SGCZ: variants seen among roughly 807,000 people sequenced by gnomAD.
SGCZ encodes the protein zeta-sarcoglycan.
SGCZ carries 40 observed loss-of-function variants against 41.3 expected under a neutral mutation model. The ratio of observed to expected loss-of-function variants is 0.97; its 90% CI spans 0.75 to 1.26. SGCZ has a LOEUF of 1.26. Ranked by LOEUF, SGCZ falls within the 50% of genes most tolerant of loss-of-function variation. The probability of loss-of-function intolerance (pLI) is 0.00; values close to 1 mark genes in which losing one functional copy is unlikely to be tolerated. For synonymous variants in SGCZ, 206 were observed against 137.5 expected, an observed-to-expected ratio of 1.50 and a Z score of -3.49; for missense variants, 552 against 369.8, an observed-to-expected ratio of 1.49 and a Z score of -4.04.
At chr8:14,209,316 A>T (rs1805719945) in intron 4 of SGCZ, among the ~76,000 whole-genome samples, 1 of 151,848 alleles carries the variant, frequency 6.6e-6, no homozygotes, top group South Asian at 2.1e-4. Flanking sequence ...CCTCTCTCTC[A>T]CCAGGGAGAG....
chr8:15,108,388 G>A (rs988709269), intron 1 of SGCZ, among the ~76,000 whole-genome samples: 2 of 152,130 alleles, frequency 1.3e-5, no homozygotes, highest in African/African-American at 4.8e-5. Flanking sequence ...GAGGGCTAAA[G>A]GGAATAAATA....
chr8:14,594,675 G>C (rs1013254316), intron 1 of SGCZ, among the ~76,000 whole-genome samples: 3 of 151,856 alleles, frequency 2.0e-5, no homozygotes, highest in Non-Finnish European at 2.9e-5. Flanking sequence ...AAGGGCATGG[G>C]TTACTTTTCA....
intron 1 of SGCZ, among the ~76,000 whole-genome samples, chr8:14,852,308 T>C (rs147875451): frequency 6.6e-6 from 1 of 152,182 alleles, no homozygotes; most frequent in Admixed American, 6.5e-5. Flanking sequence ...CAAGGTAAAA[T>C]GTATTCTACA....
chr8:14,121,425 G>T (rs769434473), intron 5 of SGCZ, among the ~76,000 whole-genome samples: 2 of 152,054 alleles, frequency 1.3e-5, no homozygotes, highest in African/African-American at 2.4e-5. Flanking sequence ...TATTTGCACT[G>T]AAATAGAAAA....
chr8:14,793,701 G>A (rs750697699), intron 1 of SGCZ, among the ~76,000 whole-genome samples: 8 of 152,108 alleles, frequency 5.3e-5, no homozygotes, highest in Non-Finnish European at 8.8e-5. Flanking sequence ...GAAACTGTTT[G>A]AGAAGCAGTT....
At chr8:15,058,097 G>T (rs751666454) in intron 1 of SGCZ, among the ~76,000 whole-genome samples, 8 of 152,126 alleles carry the variant, frequency 5.3e-5, no homozygotes, top group Non-Finnish European at 1.0e-4. Flanking sequence ...CACGAGGGTG[G>T]TCAAGTAGAT....
At chr8:14,829,549 C>T (rs540393162) in intron 1 of SGCZ, among the ~76,000 whole-genome samples, 7 of 152,142 alleles carry the variant, frequency 4.6e-5, no homozygotes, top group Admixed American at 1.3e-4. Flanking sequence ...ATAGCATAAC[C>T]TTTGAACAAG....
intron 1 of SGCZ, among the ~76,000 whole-genome samples, chr8:14,638,785 G>T (rs1806920192): frequency 6.6e-6 from 1 of 151,722 alleles, no homozygotes; most frequent in Admixed American, 6.6e-5. Flanking sequence ...TAACATTTCA[G>T]TCTCCCTCAG....
At chr8:15,237,453 T>TC in intron 1 of SGCZ, 132 bp downstream of exon 1, 1 of 1,079,178 alleles carries the variant, frequency 9.3e-7, no homozygotes, top group Non-Finnish European at 1.4e-6. Flanking sequence ...CGGGTGCGCG[T>TC]CCCCCCAACG....
rs149446712 is a variant in SGCZ, at chr8:15,133,736, G to A, written c.39+103849C>T. Among the ~76,000 whole-genome samples the A allele has an allele frequency of 1.5e-3, 231 of 152,192 alleles. 3 individuals carry two copies. The East Asian group carries it at 0.035, about 23-fold the overall frequency. On this transcript the variant is annotated intron_variant, in intron 1 of 7. Transcript: ENST00000382080. The stretch of plus-strand genomic sequence containing the variant: ...CAGAACCAAAGTCTTCACAACAAAC[G>A]AAGATAATAAGAGTAGACCATATCA...
intron 2 of SGCZ, among the ~76,000 whole-genome samples, chr8:14,517,922 T>C (rs1802673361): frequency 1.3e-5 from 2 of 151,896 alleles, no homozygotes; most frequent in African/African-American, 4.8e-5. Context: ...TGTTTGTTTC[T>C]TCTCATATTT....
chr8:15,214,743 T>C (rs1156749877), intron 1 of SGCZ, among the ~76,000 whole-genome samples: 1 of 152,164 alleles, frequency 6.6e-6, no homozygotes, highest in African/African-American at 2.4e-5. Context: ...CTGAACACTT[T>C]GACTTACCTT....
intron 2 of SGCZ, among the ~76,000 whole-genome samples, chr8:14,356,935 G>A (rs1040880287): frequency 1.4e-4 from 21 of 151,916 alleles, no homozygotes; most frequent in East Asian, 9.7e-4. Context: ...TAAGTATGCC[G>A]ATTAAGAATA....
At chr8:14,364,770 T>C (rs2117142917) in intron 2 of SGCZ, among the ~76,000 whole-genome samples, 1 of 152,296 alleles carries the variant, frequency 6.6e-6, no homozygotes, top group South Asian at 2.1e-4. Flanking sequence ...CATTTGCTCA[T>C]TTTGATATTA....
chr8:14,697,568 A>G (rs1241473451), intron 1 of SGCZ, among the ~76,000 whole-genome samples: 2 of 151,996 alleles, frequency 1.3e-5, no homozygotes, highest in African/African-American at 4.8e-5. Flanking sequence ...TGTGAATTCA[A>G]TAATTAGCTC....
At chr8:15,195,595 G>A (rs371597306) in intron 1 of SGCZ, among the ~76,000 whole-genome samples, 3 of 152,106 alleles carry the variant, frequency 2.0e-5, no homozygotes, top group African/African-American at 4.8e-5. Flanking sequence ...ACAAGAGTCC[G>A]TGCCTGATTG....
At chr8:14,330,931 A>G (rs1802296561) in intron 2 of SGCZ, among the ~76,000 whole-genome samples, 1 of 152,066 alleles carries the variant, frequency 6.6e-6, no homozygotes, top group Non-Finnish European at 1.5e-5. Flanking sequence ...AAGAGAAGCA[A>G]ATATACATTT....
intron 1 of SGCZ, among the ~76,000 whole-genome samples, chr8:14,593,638 G>A (rs1381243642): frequency 1.3e-5 from 2 of 151,964 alleles, no homozygotes; most frequent in African/African-American, 4.8e-5. Flanking sequence ...CCTTGTATGT[G>A]AAAGAAAGAA....
intron 1 of SGCZ, among the ~76,000 whole-genome samples, chr8:15,216,165 T>G (rs1218474660): frequency 1.3e-5 from 2 of 152,056 alleles, no homozygotes; most frequent in Non-Finnish European, 2.9e-5. Flanking sequence ...GCAAAGGCAC[T>G]TCTCATTTCA....
Sources: allele counts gnomAD v4.1 joint callset (sites outside exome capture counted in the v4.1 genomes callset), GRCh38; gene constraint gnomAD v4.1.1; transcripts MANE v1.5; gene names NCBI Gene and HGNC (gene_info 2026-07-23, HGNC 2026-07-21).